Variants in CLIP1 observed in about 807,000 individuals in gnomAD.
CLIP1 encodes CAP-Gly domain containing linker protein 1, also known as CAP-Gly domain-containing linker protein 1.
In CLIP1, 66 loss-of-function variants were observed where a neutral mutation model predicts 161.6. That is an observed-to-expected ratio of 0.41 (90% CI 0.33 to 0.50). CLIP1 has a LOEUF of 0.50. Ranked by LOEUF, CLIP1 falls within the 20% of genes least tolerant of loss-of-function variation. The pLI is 0.27. For synonymous variants in CLIP1, 598 were observed against 626.2 expected, an observed-to-expected ratio of 0.96 and a Z score of 0.67; for missense variants, 1,376 against 1,702.0, an observed-to-expected ratio of 0.81 and a Z score of 3.37.
chr12:122,390,195 ATAAT>A (rs1397518863), intron 1 of CLIP1, among the ~76,000 whole-genome samples: 6 of 133,280 alleles, frequency 4.5e-5, no homozygotes, highest in African/African-American at 1.7e-4. Flanking sequence ...ATATATATAT[ATAAT>A]ATATATATAC....
rs1954804225 is a variant in CLIP1 at position 122,377,543 on chromosome 12, G to T, written c.503C>A (p.Pro168His). 6.2e-7 allele frequency: 1 copy of T among 1,613,918 alleles called. No homozygotes were observed. The highest frequency in any genetic ancestry group is 1.7e-5 in the Admixed American group (1 of 59,950). ...TGCTGCTGGCTGTGATGGTTTCTGAGGGATGTTTGAAGGGGTGGAGGGGGA... is the reference window on the plus strand; with the variant it reads ...TGCTGCTGGCTGTGATGGTTTCTGATGGATGTTTGAAGGGGTGGAGGGGGA... ...SSSPSTPSNI[P>H]QKPSQPAAKE... Residue 168 changes from proline to histidine, a missense_variant, in exon 3 of 26, where the codon CCT becomes CAT. By Grantham distance (77) the Pro-to-His change is moderately conservative (BLOSUM62 -2). Around this residue, in one of 6 missense-constraint regions of CLIP1, gnomAD observed 119 missense variants for 112.0 expected, o/e 1.06. Coordinates refer to ENST00000620786, the MANE Select transcript of CLIP1 (RefSeq NM_001247997.2).
chr12:122,335,770 G>A (rs1952188036), intron 12 of CLIP1, among the ~76,000 whole-genome samples: 1 of 151,368 alleles, frequency 6.6e-6, no homozygotes, highest in Admixed American at 6.6e-5. Context: ...TCGCGCCACT[G>A]CACTCCAACC....
intron 8 of CLIP1, among the ~76,000 whole-genome samples, chr12:122,351,823 A>C (rs1953050575): frequency 6.6e-6 from 1 of 150,610 alleles, no homozygotes; most frequent in African/African-American, 2.4e-5. Context: ...AACTAATATG[A>C]ATAAATTGTT....
intron 1 of CLIP1, among the ~76,000 whole-genome samples, chr12:122,390,253 CATAT>C (rs1380441642): frequency 2.2e-5 from 2 of 92,746 alleles, no homozygotes; most frequent in African/African-American, 8.1e-5. Flanking sequence ...TATATATACA[CATAT>C]ATACACACAC....
chr12:122,327,954 T>G lies in CLIP1; in HGVS notation c.3242A>C (p.Lys1081Thr), dbSNP rs1199668290. The change falls in exon 17 of 26, where the codon AAA becomes ACA. Residue 1081 changes from lysine (K) to threonine (T), a missense_variant. Physicochemically the swap from Lys to Thr is moderately conservative, Grantham distance 78. Coordinates refer to ENST00000620786, the MANE Select transcript of CLIP1 (RefSeq NM_001247997.2). ...TTCTCTCGCGTCACGTACTTTGGCT[T>G]TGTCGGCTTGCTTTCTCAGCTCCTC... ...ELEELRKQADKAKAAQTAEDA... is the reference protein window; with the variant it reads ...ELEELRKQADTAKAAQTAEDA... 1 of 1,614,090 alleles carries G rather than the reference T, an allele frequency of 6.2e-7. No individual in the cohort carries two copies. Among genetic ancestry groups the G allele is most frequent in the African/African-American group, 1.3e-5 (1 of 75,042 alleles).
intron 20 of CLIP1, among the ~76,000 whole-genome samples, chr12:122,289,059 G>A (rs957928585): frequency 2.7e-5 from 4 of 149,968 alleles, no homozygotes; most frequent in African/African-American, 7.3e-5. Flanking sequence ...CTTGTGATCC[G>A]CCCGCCTCAG....
In CLIP1 at chr12:122,340,992, C is replaced by T. The variant is rs897758894; in HGVS notation, c.2212G>A (p.Ala738Thr). 2 of 1,614,026 alleles carry T rather than the reference C, an allele frequency of 1.2e-6. No individual in the cohort carries two copies. The highest frequency in any genetic ancestry group is 2.7e-5 in the African/African-American group (2 of 74,928). The change falls in exon 11 of 26, where the codon GCT (alanine) becomes ACT (threonine). Residue 738 changes from alanine (A) to threonine (T), a missense_variant. Ala to Thr is a moderately conservative substitution (Grantham distance 58). Around this residue, in one of 6 missense-constraint regions of CLIP1, gnomAD observed 948 missense variants for 1,134.8 expected, o/e 0.84. Coordinates refer to ENST00000620786, the MANE Select transcript of CLIP1 (RefSeq NM_001247997.2). ...TCTAGCTCCTTTACCTTTATTTCAG[C>T]TTCCTGTAATTTGTTTAACGTGTCT... ...MEDTLNKLQE[A>T]EIKVKELEVL...
intron 1 of CLIP1, among the ~76,000 whole-genome samples, chr12:122,421,277 G>A (rs1181365623): frequency 6.6e-6 from 1 of 151,628 alleles, no homozygotes; most frequent in African/African-American, 2.4e-5. Context: ...AGAAAAAAAG[G>A]CCCCAAGTCT....
chr12:122,333,931 C>T (rs1952100455), intron 14 of CLIP1, 96 bp downstream of exon 14: 2 of 745,628 alleles, frequency 2.7e-6, no homozygotes, highest in East Asian at 5.2e-5. Context: ...GAGGCTATGC[C>T]TGAATAGTAC....
chr12:122,415,244 G>A lies in CLIP1; in HGVS notation c.-107+7277C>T, dbSNP rs561332576. ...CGCCTGTAATCCCAGCACTTTGGGA[G>A]GCAGAGGCGGGCGGATCACGAGGTC... On this transcript the variant is annotated intron_variant, in intron 1 of 25. Coordinates refer to ENST00000620786, the MANE Select transcript of CLIP1 (RefSeq NM_001247997.2). Among the ~76,000 whole-genome samples, 7 of 151,926 alleles carry A rather than the reference G, an allele frequency of 4.6e-5. No homozygotes were observed. The South Asian group carries it at 1.5e-3, about 32-fold the overall frequency.
chr12:122,343,525 A>G (rs948269654), intron 10 of CLIP1: 1 of 152,330 alleles, frequency 6.6e-6, no homozygotes, highest in Admixed American at 6.5e-5. Flanking sequence ...TTTAGATATG[A>G]TAATTCTATC....
intron 9 of CLIP1, 23 bp downstream of exon 9, chr12:122,351,088 C>A: frequency 6.5e-7 from 1 of 1,528,848 alleles, no homozygotes; most frequent in African/African-American, 1.4e-5. Flanking sequence ...GGGAAATATC[C>A]ACACAGTTAA....
intron 21 of CLIP1, among the ~76,000 whole-genome samples, chr12:122,286,817 T>C (rs1592977253): frequency 6.6e-6 from 1 of 151,764 alleles, no homozygotes. Flanking sequence ...GCTAACACGG[T>C]GAAACCCCAT....
intron 1 of CLIP1, among the ~76,000 whole-genome samples, chr12:122,415,894 C>T (rs1182481757): frequency 6.6e-6 from 1 of 152,050 alleles, no homozygotes; most frequent in East Asian, 1.9e-4. Context: ...GTGCGCAATT[C>T]CAGGAAAAAG....
intron 21 of CLIP1, among the ~76,000 whole-genome samples, chr12:122,287,976 A>G (rs1444608723): frequency 6.6e-6 from 1 of 152,152 alleles, no homozygotes; most frequent in African/African-American, 2.4e-5. Context: ...GCAACTGAAC[A>G]TGGCTTATGA....
chr12:122,372,044 G>A (rs1374807217), intron 3 of CLIP1, among the ~76,000 whole-genome samples: 1 of 152,114 alleles, frequency 6.6e-6, no homozygotes, highest in Non-Finnish European at 1.5e-5. Context: ...AACTTTGGGA[G>A]GCCAAGGTGG....
chr12:122,336,720 C>T lies in CLIP1; in HGVS notation c.2480G>A (p.Gly827Glu), dbSNP rs1413577320. The T allele has an allele frequency of 1.2e-6, 2 of 1,606,580 alleles. No homozygotes were observed. Among genetic ancestry groups the T allele is most frequent in the South Asian group, 1.1e-5 (1 of 90,678 alleles). The part of the protein sequence containing the change: ...KASSITRELQ[G>E]RELKLTNLQE... Reference sequence around the variant, plus strand: ...AAGGTTAGTAAGCTTTAGCTCTCTCCCCTGGAGCTCTCTGGTAATGCTACT... The same window carrying T: ...AAGGTTAGTAAGCTTTAGCTCTCTCTCCTGGAGCTCTCTGGTAATGCTACT... Residue 827 changes from glycine to glutamate, a missense_variant, in exon 12 of 26, where the codon GGG (glycine) becomes GAG (glutamate). Around this residue, in one of 6 missense-constraint regions of CLIP1, gnomAD observed 948 missense variants for 1,134.8 expected, o/e 0.84. Transcript: ENST00000620786.
chr12:122,318,614 AT>A (rs1951358781), intron 18 of CLIP1, among the ~76,000 whole-genome samples: 1 of 152,176 alleles, frequency 6.6e-6, no homozygotes, highest in African/African-American at 2.4e-5. Context: ...TCACATAACC[AT>A]TTTGGTGCCT....
chr12:122,388,192 C>G (rs1039532113), intron 1 of CLIP1, among the ~76,000 whole-genome samples: 4 of 151,854 alleles, frequency 2.6e-5, no homozygotes, highest in Non-Finnish European at 4.4e-5. Context: ...CCCAAACCTA[C>G]TGAAACAAAC....
Sources: allele counts gnomAD v4.1 joint callset (sites outside exome capture counted in the v4.1 genomes callset), GRCh38; gene constraint gnomAD v4.1.1; regional missense constraint gnomAD v4.1.1; transcripts MANE v1.5; gene names NCBI Gene and HGNC (gene_info 2026-07-23, HGNC 2026-07-21).